KALRN: variants seen among roughly 807,000 people sequenced by gnomAD.
KALRN encodes the protein kalirin.
KALRN carries 70 observed loss-of-function variants against 353.7 expected under a neutral mutation model. The observed-to-expected ratio is 0.20, with a 90% CI of 0.16 to 0.24. The LOEUF (loss-of-function observed/expected upper bound fraction) is 0.24. Ranked by LOEUF, KALRN falls within the 10% of genes least tolerant of loss-of-function variation. The pLI, the probability that KALRN is intolerant of heterozygous loss-of-function variation, is 1.00. For synonymous variants in KALRN, 1,391 were observed against 1,434.8 expected, an observed-to-expected ratio of 0.97 and a Z score of 0.69; for missense variants, 2,791 against 3,756.7, an observed-to-expected ratio of 0.74 and a Z score of 6.72.
intron 34 of KALRN, among the ~76,000 whole-genome samples, chr3:124,597,894 G>T (rs1484266341): frequency 6.6e-6 from 1 of 152,154 alleles, no homozygotes. Flanking sequence ...CATTCTATCT[G>T]TAGTAAATTT....
intron 10 of KALRN, among the ~76,000 whole-genome samples, chr3:124,381,151 A>T (rs187965385): frequency 2.9e-4 from 44 of 152,244 alleles, no homozygotes; most frequent in African/African-American, 9.9e-4. Flanking sequence ...AGAGAAGAGG[A>T]TATGAGGGTG....
At chr3:124,397,531 G>A (rs916353163) in intron 12 of KALRN, among the ~76,000 whole-genome samples, 2 of 152,190 alleles carry the variant, frequency 1.3e-5, no homozygotes, top group African/African-American at 4.8e-5. Flanking sequence ...TGTATGAGAA[G>A]CTAAGATGTC....
At chr3:124,709,427 A>G (rs1367724159) in intron 57 of KALRN, among the ~76,000 whole-genome samples, 1 of 152,160 alleles carries the variant, frequency 6.6e-6, no homozygotes, top group African/African-American at 2.4e-5. Context: ...ACAGGCACGC[A>G]CAACCATGCC....
chr3:124,413,323 C>T, intron 13 of KALRN, 147 bp from the exon 14 acceptor site: 1 of 661,858 alleles, frequency 1.5e-6, no homozygotes, highest in Non-Finnish European at 2.6e-6. Context: ...GGCAATGTTG[C>T]TTAAATAGTC....
intron 25 of KALRN, among the ~76,000 whole-genome samples, chr3:124,466,233 A>G (rs1215484250): frequency 6.6e-6 from 1 of 152,196 alleles, no homozygotes; most frequent in Non-Finnish European, 1.5e-5. Context: ...GTGGAATGAT[A>G]CTTCGTTTTG....
chr3:124,635,663 A>G (rs1317139496), intron 36 of KALRN, among the ~76,000 whole-genome samples: 7 of 152,186 alleles, frequency 4.6e-5, no homozygotes, highest in Admixed American at 3.9e-4. Flanking sequence ...TCACCGTTGT[A>G]ATATTGTGCA....
At chr3:124,589,486 G>A (rs13098646) in intron 34 of KALRN, among the ~76,000 whole-genome samples, 44,570 of 151,846 alleles carry the variant, frequency 0.29, 7,222 homozygotes, top group Middle Eastern at 0.4. Flanking sequence ...CCAGCTACTC[G>A]GGAGGTTGAG....
At chr3:124,136,621 A>C (rs1314429297) in intron 1 of KALRN, among the ~76,000 whole-genome samples, 1 of 152,132 alleles carries the variant, frequency 6.6e-6, no homozygotes, top group Non-Finnish European at 1.5e-5. Flanking sequence ...AGGAGAGTAG[A>C]GTTTGTTGGC....
intron 33 of KALRN, among the ~76,000 whole-genome samples, chr3:124,520,683 C>T (rs920479067): frequency 2.6e-5 from 4 of 152,138 alleles, no homozygotes; most frequent in African/African-American, 9.7e-5. Context: ...CTTGGGCCAA[C>T]TCTTTGGGAA....
At chr3:124,563,268 G>T (rs2072288727) in intron 34 of KALRN, among the ~76,000 whole-genome samples, 179 bp downstream of exon 34, 1 of 152,158 alleles carries the variant, frequency 6.6e-6, no homozygotes, top group African/African-American at 2.4e-5. Flanking sequence ...AAGAGCTCCC[G>T]AGTAACTGTG....
chr3:124,275,644 C>A (rs113713646), intron 5 of KALRN, among the ~76,000 whole-genome samples: 6 of 152,238 alleles, frequency 3.9e-5, no homozygotes, highest in Non-Finnish European at 5.9e-5. Context: ...CTTCTCCCTG[C>A]ACTATTTCAG....
At chr3:124,263,327 T>C (rs1172553833) in intron 3 of KALRN, among the ~76,000 whole-genome samples, 2 of 152,236 alleles carry the variant, frequency 1.3e-5, no homozygotes, top group Admixed American at 1.3e-4. Context: ...AAACAACTGG[T>C]CTGCATCTTC....
At chr3:124,142,929 T>C (rs68048456) in intron 1 of KALRN, among the ~76,000 whole-genome samples, 43,189 of 151,966 alleles carry the variant, frequency 0.28, 6,586 homozygotes, top group East Asian at 0.47. Context: ...ACCCCACAAA[T>C]GCCTCTGAAC....
intron 43 of KALRN, 29 bp downstream of exon 43, chr3:124,659,486 T>A: frequency 6.8e-7 from 1 of 1,460,160 alleles, no homozygotes; most frequent in Non-Finnish European, 9.6e-7. Context: ...GGGTGAGGGC[T>A]GGAGAAGGAT....
chr3:124,529,250 G>A (rs1422108911), intron 33 of KALRN, among the ~76,000 whole-genome samples: 2 of 152,140 alleles, frequency 1.3e-5, no homozygotes, highest in Non-Finnish European at 2.9e-5. Context: ...TACAGCAAGT[G>A]CAGTCTCCTT....
At chr3:124,165,848 C>A (rs2070757208) in intron 1 of KALRN, among the ~76,000 whole-genome samples, 2 of 152,206 alleles carry the variant, frequency 1.3e-5, no homozygotes, top group African/African-American at 4.8e-5. Context: ...CTCACATGAT[C>A]TCTTTCTCAT....
chr3:124,714,007 A>G (rs558631466), intron 58 of KALRN, among the ~76,000 whole-genome samples: 1 of 152,300 alleles, frequency 6.6e-6, no homozygotes, highest in South Asian at 2.1e-4. Flanking sequence ...ACTTGTCACA[A>G]ATTTATTTAT....
chr3:124,110,935 TACTAA>T (rs933681190), intron 1 of KALRN, among the ~76,000 whole-genome samples: 5 of 152,216 alleles, frequency 3.3e-5, no homozygotes, highest in Admixed American at 6.5e-5. Context: ...TTAGTTTTGC[TACTAA>T]ACTAAATACT....
At chr3:124,379,213 T>C (rs1459996382) in intron 10 of KALRN, among the ~76,000 whole-genome samples, 2 of 152,202 alleles carry the variant, frequency 1.3e-5, no homozygotes, top group Non-Finnish European at 2.9e-5. Flanking sequence ...TTTTCATCTT[T>C]AAAAGTACAA....
Sources: allele counts gnomAD v4.1 joint callset (sites outside exome capture counted in the v4.1 genomes callset), GRCh38; gene constraint gnomAD v4.1.1; transcripts MANE v1.5; gene names NCBI Gene and HGNC (gene_info 2026-07-23, HGNC 2026-07-21).